The following ALOX5 variants were observed in gnomAD, a reference collection of about 807,000 sequenced individuals.
ALOX5 encodes the protein polyunsaturated fatty acid 5-lipoxygenase.
A neutral mutation model predicts 87.9 loss-of-function variants in ALOX5; 64 were observed. The observed-to-expected ratio is 0.73, with a 90% CI of 0.60 to 0.90. The LOEUF (loss-of-function observed/expected upper bound fraction) is 0.90. Among genes scored for constraint, ALOX5 ranks in the 40% least tolerant of loss-of-function variants. ALOX5 has a pLI of 0.00. For synonymous variants in ALOX5, 388 were observed against 355.1 expected, an observed-to-expected ratio of 1.09 and a Z score of -1.04; for missense variants, 822 against 907.5, an observed-to-expected ratio of 0.91 and a Z score of 1.21.
chr10:45,412,108 C>T, intron 3 of ALOX5, 83 bp from the exon 4 acceptor site: 1 of 1,578,998 alleles, frequency 6.3e-7, no homozygotes, highest in South Asian at 1.1e-5. Flanking sequence ...GTAACATCGT[C>T]TGACAGTGTG....
At chr10:45,400,038 C>G (rs765306222) in intron 3 of ALOX5, among the ~76,000 whole-genome samples, 1 of 152,106 alleles carries the variant, frequency 6.6e-6, no homozygotes, top group Non-Finnish European at 1.5e-5. Context: ...ATGCTGCTAC[C>G]GGAATGTAAG....
chr10:45,391,066 C>A (rs569428887), intron 2 of ALOX5, among the ~76,000 whole-genome samples: 1 of 88,882 alleles, frequency 1.1e-5, no homozygotes, highest in South Asian at 3.9e-4. Context: ...CTCCCTCTCC[C>A]TCTCCCCACG....
In ALOX5 at chr10:45,424,964, G is replaced by T. The variant is rs1841644484; in HGVS notation, c.666G>T (p.Arg222=). ...FVKISNTISE[R]VMNHWQEDLM... The stretch of plus-strand genomic sequence containing the variant: ...GCCTCGCTTTTCTCCTGGTAGAGCG[G>T]GTCATGAATCACTGGCAGGAAGACC... The change falls in exon 6 of 14, where the codon CGG becomes CGT. Residue 222 remains arginine, a synonymous_variant. Transcript: ENST00000374391. The T allele has an allele frequency of 6.2e-7, 1 of 1,614,060 alleles. No homozygotes were observed. The highest frequency in any genetic ancestry group is 1.3e-5 in the African/African-American group (1 of 74,920).
rs561228949 is a variant in ALOX5, at chr10:45,441,393, G to A, written c.1235G>A (p.Arg412His). The A allele has an allele frequency of 1.2e-5, 19 of 1,613,714 alleles. No homozygotes were observed. Among genetic ancestry groups the A allele is most frequent in the South Asian group, 3.3e-5 (3 of 91,074 alleles). The change falls in exon 9 of 14, where the codon CGT becomes CAT. Residue 412 changes from arginine to histidine, a missense_variant. Coordinates refer to ENST00000374391, the MANE Select transcript of ALOX5 (RefSeq NM_000698.5). ...ACCATTGCAATCAACACCAAGGCCC[G>A]TGAGCAGCTCATCTGCGAGTGTGGC... ...RFTIAINTKA[R>H]EQLICECGLF... is the part of the protein sequence containing the mutation.
chr10:45,393,571 C>T (rs2132710900), intron 2 of ALOX5, among the ~76,000 whole-genome samples: 1 of 152,302 alleles, frequency 6.6e-6, no homozygotes, highest in Admixed American at 6.5e-5. Flanking sequence ...TCTCACCACT[C>T]CTATTCAACA....
chr10:45,410,507 C>T (rs988712228), intron 3 of ALOX5, among the ~76,000 whole-genome samples: 5 of 152,174 alleles, frequency 3.3e-5, no homozygotes, highest in South Asian at 4.1e-4. Context: ...GGATCATACC[C>T]GGTCCCTGTT....
Position 45,374,332 on chromosome 10 carries a change from C to G in ALOX5, c.53C>G (p.Thr18Ser), listed in dbSNP as rs1295943832. The G allele has an allele frequency of 2.0e-6, 3 of 1,530,674 alleles. No individual in the cohort carries two copies. Among genetic ancestry groups the G allele is most frequent in the African/African-American group, 1.4e-5 (1 of 70,154 alleles). The allele number at this position is 1,530,674 out of a possible 1,614,324, so 94.8% of individuals were successfully genotyped here. ...ACTGGCAGCCAGTGGTTCGCCGGCA[C>G]TGACGACTACATCTACCTCAGCCTC... ...VATGSQWFAG[T>S]DDYIYLSLVG... is the part of the protein sequence containing the mutation. Residue 18 changes from threonine to serine, a missense_variant, in exon 1 of 14, where the codon ACT becomes AGT. Coordinates refer to ENST00000374391, the MANE Select transcript of ALOX5 (RefSeq NM_000698.5).
At chr10:45,399,946 A>C (rs1259258620) in intron 3 of ALOX5, among the ~76,000 whole-genome samples, 2 of 152,218 alleles carry the variant, frequency 1.3e-5, no homozygotes, top group Non-Finnish European at 2.9e-5. Context: ...CACAAGATAC[A>C]ATTCTAACCA....
At chr10:45,400,328 G>T (rs1033557375) in intron 3 of ALOX5, among the ~76,000 whole-genome samples, 1 of 152,174 alleles carries the variant, frequency 6.6e-6, no homozygotes, top group Non-Finnish European at 1.5e-5. Flanking sequence ...TGCCAAGCGC[G>T]GAGGCTCACA....
chr10:45,387,691 T>C, intron 2 of ALOX5, among the ~76,000 whole-genome samples: 1 of 152,126 alleles, frequency 6.6e-6, no homozygotes, highest in Non-Finnish European at 1.5e-5. Flanking sequence ...CTCTAAGCAC[T>C]GAAAGGCAGG....
At chr10:45,391,951 G>A (rs1044403954) in intron 2 of ALOX5, among the ~76,000 whole-genome samples, 12 of 151,086 alleles carry the variant, frequency 7.9e-5, no homozygotes, top group Middle Eastern at 3.5e-3. Context: ...AGTGAGGAGC[G>A]TCTCCGCCCG....
intron 4 of ALOX5, among the ~76,000 whole-genome samples, chr10:45,415,083 G>A (rs1291928533): frequency 1.2e-4 from 19 of 152,114 alleles, no homozygotes; most frequent in East Asian, 7.7e-4. Flanking sequence ...TCCCATTATC[G>A]GGTATATACC....
chr10:45,395,092 C>A (rs539256454), intron 2 of ALOX5, among the ~76,000 whole-genome samples: 5 of 152,098 alleles, frequency 3.3e-5, no homozygotes, highest in African/African-American at 4.8e-5. Context: ...TTGACCCAGC[C>A]ATCCCATTAC....
rs781279595 is a variant in ALOX5 at position 45,424,087 on chromosome 10, T to A, written c.601T>A (p.Ser201Thr). Residue 201 changes from serine (S) to threonine (T), a missense_variant, in exon 5 of 14, where the codon TCT (serine) becomes ACT (threonine). Ser to Thr is a moderately conservative substitution (Grantham distance 58). Coordinates refer to ENST00000374391, the MANE Select transcript of ALOX5 (RefSeq NM_000698.5). Reference protein sequence around the residue: ...INRFMHMFQSSWNDFADFEKI... With the variant: ...INRFMHMFQSTWNDFADFEKI... ...CCGCTTCATGCACATGTTCCAGTCT[T>A]CTTGGAATGACTTCGCCGACTTTGA... 3.7e-6 allele frequency: 6 copies of A among 1,614,068 alleles called. No individual in the cohort carries two copies. The highest frequency in any genetic ancestry group is 5.1e-6 in the Non-Finnish European group (6 of 1,180,042).
At chr10:45,415,163 T>G (rs560882364) in intron 4 of ALOX5, among the ~76,000 whole-genome samples, 1 of 152,276 alleles carries the variant, frequency 6.6e-6, no homozygotes, top group South Asian at 2.1e-4. Context: ...CTATTCACAA[T>G]AGCAAAGACT....
intron 2 of ALOX5, among the ~76,000 whole-genome samples, chr10:45,392,414 C>A (rs1481151752): frequency 1.3e-5 from 2 of 151,544 alleles, no homozygotes; most frequent in African/African-American, 2.4e-5. Context: ...TTACCCCCAA[C>A]CCTGTGCTCT....
chr10:45,411,908 A>G (rs1480120258), intron 3 of ALOX5, among the ~76,000 whole-genome samples: 1 of 152,122 alleles, frequency 6.6e-6, no homozygotes, highest in Non-Finnish European at 1.5e-5. Flanking sequence ...TCCCTAGACT[A>G]CCTACAGAAC....
intron 4 of ALOX5, among the ~76,000 whole-genome samples, chr10:45,418,654 G>C (rs1302790176): frequency 6.6e-6 from 1 of 152,208 alleles, no homozygotes; most frequent in Non-Finnish European, 1.5e-5. Context: ...CCCAGGCAGA[G>C]GTACGTGGGG....
rs539520091 is a variant in ALOX5 at position 45,382,584 on chromosome 10, G to A, written c.252G>A (p.Lys84=). ...GGCTGAATGACGACTGGTACCTGAAGTACATCACGCTGAAGACGCCCCACG... is the reference window on the plus strand; with the variant it reads ...GGCTGAATGACGACTGGTACCTGAAATACATCACGCTGAAGACGCCCCACG... ...KYWLNDDWYL[K]YITLKTPHGD... is the part of the protein sequence containing the mutation. Residue 84 remains lysine, a synonymous_variant, in exon 2 of 14, where the codon AAG becomes AAA. Coordinates refer to ENST00000374391, the MANE Select transcript of ALOX5 (RefSeq NM_000698.5). 1.1e-4 allele frequency: 180 copies of A among 1,614,192 alleles called. 3 individuals are homozygous for A. In the South Asian group the frequency reaches 1.9e-3, roughly 17 times the overall value.
Sources: allele counts gnomAD v4.1 joint callset (sites outside exome capture counted in the v4.1 genomes callset), GRCh38; gene constraint gnomAD v4.1.1; transcripts MANE v1.5; gene names NCBI Gene and HGNC (gene_info 2026-07-23, HGNC 2026-07-21).